The following TBC1D8 variants were observed in gnomAD, a reference collection of about 807,000 sequenced individuals.
TBC1D8 encodes BUB2-like protein 1.
Under a neutral mutation model 118.8 loss-of-function variants are expected in TBC1D8, and 65 were observed. The ratio of observed to expected loss-of-function variants is 0.55; its 90% CI spans 0.45 to 0.67. TBC1D8 has a LOEUF of 0.67. Ranked by LOEUF, TBC1D8 falls within the 30% of genes least tolerant of loss-of-function variation. The probability of loss-of-function intolerance (pLI) is 0.00; values close to 1 mark genes in which losing one functional copy is unlikely to be tolerated. For synonymous variants in TBC1D8, 566 were observed against 595.8 expected (o/e 0.95, Z 0.73); for missense variants, 1,376 against 1,471.2 (o/e 0.94, Z 1.06).
At chr2:101,023,346 G>A (rs537565434) in intron 15 of TBC1D8, among the ~76,000 whole-genome samples, 9 of 151,862 alleles carry the variant, frequency 5.9e-5, no homozygotes, top group Admixed American at 2.0e-4. Context: ...GGGTTTCACC[G>A]TGTCAGCCAG....
intron 1 of TBC1D8, among the ~76,000 whole-genome samples, chr2:101,121,584 T>C (rs1471334081): frequency 1.3e-5 from 2 of 152,234 alleles, no homozygotes; most frequent in African/African-American, 4.8e-5. Flanking sequence ...AGGTCTCATT[T>C]GTAAGGGCGC....
At chr2:101,069,518 G>A (rs1263416542) in intron 2 of TBC1D8, among the ~76,000 whole-genome samples, 2 of 152,166 alleles carry the variant, frequency 1.3e-5, no homozygotes, top group African/African-American at 2.4e-5. Flanking sequence ...CCTGGGAGGC[G>A]GAGGTTGCAG....
At chr2:101,029,891 A>G in intron 11 of TBC1D8, 115 bp from the exon 12 acceptor site, 1 of 1,108,220 alleles carries the variant, frequency 9.0e-7, no homozygotes, top group Non-Finnish European at 1.3e-6. Flanking sequence ...TTGAGTCCAG[A>G]AAAGCGTCCA....
chr2:101,087,792 T>C (rs1290881782), intron 2 of TBC1D8, among the ~76,000 whole-genome samples: 7 of 152,174 alleles, frequency 4.6e-5, no homozygotes, highest in Non-Finnish European at 1.0e-4. Flanking sequence ...ATAAAACTTT[T>C]TTAAATGAGA....
At chr2:101,099,964 C>T (rs1323962818) in intron 1 of TBC1D8, among the ~76,000 whole-genome samples, 1 of 152,160 alleles carries the variant, frequency 6.6e-6, no homozygotes, top group Non-Finnish European at 1.5e-5. Context: ...GACAAGGATG[C>T]CCTCTCTCAC....
chr2:101,040,107 C>T, intron 6 of TBC1D8, 71 bp downstream of exon 6: 2 of 1,548,140 alleles, frequency 1.3e-6, no homozygotes, highest in Non-Finnish European at 1.8e-6. Flanking sequence ...CACACTCCAT[C>T]TCACAGCCAG....
intron 12 of TBC1D8, 138 bp from the exon 13 acceptor site, chr2:101,028,570 G>C: frequency 1.6e-6 from 2 of 1,288,978 alleles, no homozygotes; most frequent in Non-Finnish European, 2.1e-6. Flanking sequence ...CAGCTGCTCG[G>C]CTTATTTTAG....
At chr2:101,025,352 G>C (rs914688065) in intron 15 of TBC1D8, among the ~76,000 whole-genome samples, 1 of 151,978 alleles carries the variant, frequency 6.6e-6, no homozygotes. Context: ...TCAGCCACCC[G>C]CGTAGCTGGG....
At chr2:101,073,871 ATGT>A (rs1319096949) in intron 2 of TBC1D8, among the ~76,000 whole-genome samples, 3 of 152,220 alleles carry the variant, frequency 2.0e-5, no homozygotes, top group Non-Finnish European at 4.4e-5. Context: ...GCTAAAAGAG[ATGT>A]TGTGGCTTGT....
chr2:101,102,797 C>T (rs1676939407), intron 1 of TBC1D8, among the ~76,000 whole-genome samples: 1 of 151,966 alleles, frequency 6.6e-6, no homozygotes, highest in African/African-American at 2.4e-5. Flanking sequence ...AATCCCAGCA[C>T]TTTGGGAGGC....
intron 1 of TBC1D8, among the ~76,000 whole-genome samples, chr2:101,132,062 G>A (rs949810217): frequency 4.6e-5 from 7 of 152,002 alleles, no homozygotes; most frequent in African/African-American, 1.7e-4. Flanking sequence ...CTTTTTATTT[G>A]GAAATAAAGT....
chr2:101,014,691 T>G (rs1249390918), intron 17 of TBC1D8, among the ~76,000 whole-genome samples: 1 of 152,188 alleles, frequency 6.6e-6, no homozygotes, highest in Non-Finnish European at 1.5e-5. Context: ...CTCAGTTTCT[T>G]GGGTTCCAGC....
At chr2:101,129,558 G>C (rs1046580374) in intron 1 of TBC1D8, among the ~76,000 whole-genome samples, 1 of 152,184 alleles carries the variant, frequency 6.6e-6, no homozygotes, top group African/African-American at 2.4e-5. Flanking sequence ...GCCAAGGTGG[G>C]CTGGAAGAAG....
chr2:101,055,405 A>AG (rs1215943908), intron 3 of TBC1D8, among the ~76,000 whole-genome samples: 1 of 151,796 alleles, frequency 6.6e-6, no homozygotes, highest in Non-Finnish European at 1.5e-5. Flanking sequence ...TAGTCTTTTG[A>AG]GAAAAACTCA....
chr2:101,024,402 ATTTTTTTTTT>A (rs34272976), intron 15 of TBC1D8, among the ~76,000 whole-genome samples: 1 of 121,160 alleles, frequency 8.3e-6, no homozygotes, highest in South Asian at 2.7e-4. Flanking sequence ...TGGGACTGTA[ATTTTTTTTTT>A]TTTTTTTTTT....
chr2:101,036,213 C>G (rs1680997363), intron 8 of TBC1D8, 45 bp from the exon 9 acceptor site: 4 of 1,593,572 alleles, frequency 2.5e-6, no homozygotes, highest in Non-Finnish European at 3.4e-6. Context: ...TCTGTCCTCA[C>G]CACCCCCCAC....
chr2:101,093,261 G>C (rs1215492340), intron 1 of TBC1D8, among the ~76,000 whole-genome samples: 1 of 152,102 alleles, frequency 6.6e-6, no homozygotes, highest in African/African-American at 2.4e-5. Context: ...GGGATCAAAA[G>C]TTATATGTGA....
At chr2:101,093,144 T>C (rs1293799287) in intron 1 of TBC1D8, among the ~76,000 whole-genome samples, 1 of 152,240 alleles carries the variant, frequency 6.6e-6, no homozygotes, top group African/African-American at 2.4e-5. Flanking sequence ...CTTTCTTTAT[T>C]GTAAGAACAC....
intron 1 of TBC1D8, among the ~76,000 whole-genome samples, chr2:101,103,168 G>A (rs1427658665): frequency 1.3e-5 from 2 of 151,844 alleles, no homozygotes; most frequent in South Asian, 2.1e-4. Context: ...GATCAAATGG[G>A]ACTTACTCCA....
Sources: gnomAD v4.1 joint callset for allele counts (sites outside exome capture counted in the v4.1 genomes callset) on GRCh38, gnomAD v4.1.1 for gene constraint, MANE v1.5 for transcripts, NCBI Gene and HGNC (gene_info 2026-07-23, HGNC 2026-07-21) for gene names.